The following PRKG1 variants were observed in gnomAD, a reference collection of about 807,000 sequenced individuals.
The protein encoded by PRKG1 is protein kinase cGMP-dependent 1, also known as cGMP-dependent protein kinase 1.
In PRKG1, 35 loss-of-function variants were observed where a neutral mutation model predicts 88.1. That is an observed-to-expected ratio of 0.40 (90% CI 0.30 to 0.53). The LOEUF (loss-of-function observed/expected upper bound fraction) is 0.53. PRKG1 is among the 20% of genes least tolerant of loss of function. The pLI, the probability that PRKG1 is intolerant of heterozygous loss-of-function variation, is 0.59. For synonymous variants in PRKG1, 303 were observed against 292.5 expected, an observed-to-expected ratio of 1.04 and a Z score of -0.37; for missense variants, 540 against 839.8, an observed-to-expected ratio of 0.64 and a Z score of 4.41.
At chr10:51,137,917 T>C (rs547059989) in intron 1 of PRKG1, among the ~76,000 whole-genome samples, 1 of 152,188 alleles carries the variant, frequency 6.6e-6, no homozygotes, top group Non-Finnish European at 1.5e-5. Flanking sequence ...TGATTAAATG[T>C]TGTGGGAAGA....
In PRKG1 at chr10:51,096,091, T is replaced by G. The variant is rs544179167; in HGVS notation, c.311+21190T>G. ...AAGAATTAGAAATATGCAATTCTTT[T>G]TATTTAATAAATTTAGTAGTGTTTC... On this transcript the variant is annotated intron_variant, in intron 1 of 17. Transcript: ENST00000373980. Among the ~76,000 whole-genome samples, 3 of 152,286 alleles carry G rather than the reference T, an allele frequency of 2.0e-5. No individual in the cohort carries two copies. In the East Asian group the frequency reaches 5.8e-4, roughly 29 times the overall value.
chr10:52,007,696 T>G (rs1844773603), intron 5 of PRKG1, among the ~76,000 whole-genome samples: 1 of 152,194 alleles, frequency 6.6e-6, no homozygotes, highest in Admixed American at 6.5e-5. Flanking sequence ...AACACTCCAC[T>G]GACAGTATTA....
chr10:52,051,798 G>A (rs1415392858), intron 5 of PRKG1, among the ~76,000 whole-genome samples: 4 of 152,172 alleles, frequency 2.6e-5, no homozygotes, highest in Non-Finnish European at 5.9e-5. Context: ...TCCCTTCCAT[G>A]AGGAAAAGAA....
intron 3 of PRKG1, among the ~76,000 whole-genome samples, chr10:51,734,753 C>T (rs1837220200): frequency 6.6e-6 from 1 of 152,132 alleles, no homozygotes; most frequent in South Asian, 2.1e-4. Flanking sequence ...TCTGCAGCAG[C>T]TGTCACAGTT....
At chr10:51,531,066 G>A (rs1842005261) in intron 3 of PRKG1, among the ~76,000 whole-genome samples, 1 of 152,048 alleles carries the variant, frequency 6.6e-6, no homozygotes, top group Non-Finnish European at 1.5e-5. Flanking sequence ...AAAAACATAG[G>A]TTAATAGCAC....
chr10:51,774,888 A>C (rs1838395032), intron 3 of PRKG1, among the ~76,000 whole-genome samples: 2 of 152,130 alleles, frequency 1.3e-5, no homozygotes, highest in Admixed American at 1.3e-4. Context: ...GCCTGAGATA[A>C]ACCTTTTAAG....
chr10:52,177,575 G>A (rs1838899154), intron 9 of PRKG1, among the ~76,000 whole-genome samples: 2 of 152,036 alleles, frequency 1.3e-5, no homozygotes, highest in South Asian at 4.1e-4. Context: ...GAGAATAATT[G>A]ATAATAAATC....
intron 1 of PRKG1, among the ~76,000 whole-genome samples, chr10:51,098,538 G>A (rs1194004079): frequency 1.3e-5 from 2 of 152,138 alleles, no homozygotes; most frequent in Non-Finnish European, 2.9e-5. Flanking sequence ...GCGGAAGGAT[G>A]AAAGAGAGAA....
chr10:51,093,491 A>G (rs1183020034), intron 1 of PRKG1, among the ~76,000 whole-genome samples: 1 of 151,888 alleles, frequency 6.6e-6, no homozygotes, highest in Non-Finnish European at 1.5e-5. Context: ...TCTGCCTTTC[A>G]CTTCCAGGAG....
At chr10:51,615,092 C>T (rs1034554424) in intron 3 of PRKG1, among the ~76,000 whole-genome samples, 2 of 141,324 alleles carry the variant, frequency 1.4e-5, no homozygotes, top group African/African-American at 5.3e-5. Context: ...TGAATATATC[C>T]ATCTTTGAAT....
At chr10:51,224,156 T>G (rs1025139355) in intron 2 of PRKG1, among the ~76,000 whole-genome samples, 2 of 152,208 alleles carry the variant, frequency 1.3e-5, no homozygotes, top group African/African-American at 4.8e-5. Flanking sequence ...ATTGCCTTCA[T>G]CTAGACCTGC....
At chr10:51,863,094 C>T (rs1247108845) in intron 4 of PRKG1, among the ~76,000 whole-genome samples, 1 of 151,956 alleles carries the variant, frequency 6.6e-6, no homozygotes, top group Admixed American at 6.6e-5. Context: ...CCATATTTTT[C>T]ATCATTCCTT....
intron 1 of PRKG1, among the ~76,000 whole-genome samples, chr10:51,118,503 T>C (rs1845185470): frequency 6.6e-6 from 1 of 152,216 alleles, no homozygotes; most frequent in South Asian, 2.1e-4. Context: ...CTCTGTTTAT[T>C]ATCATTACAG....
At chr10:51,170,780 T>C (rs373336555) in intron 2 of PRKG1, among the ~76,000 whole-genome samples, 40 of 144,370 alleles carry the variant, frequency 2.8e-4, no homozygotes, top group African/African-American at 7.1e-4. Flanking sequence ...GGTGGGGGAG[T>C]TGGGTAACAA....
At chr10:51,999,531 G>A (rs74132883) in intron 5 of PRKG1, among the ~76,000 whole-genome samples, 182 of 152,174 alleles carry the variant, frequency 1.2e-3, no homozygotes, top group African/African-American at 4.1e-3. Context: ...ACCTATCTCC[G>A]TATCTTTATC....
chr10:51,420,735 T>C (rs775893282), intron 2 of PRKG1, among the ~76,000 whole-genome samples: 3 of 152,162 alleles, frequency 2.0e-5, no homozygotes, highest in African/African-American at 4.8e-5. Context: ...TGAGACTGGG[T>C]AATTTGTTAA....
intron 1 of PRKG1, among the ~76,000 whole-genome samples, chr10:51,067,887 A>AT (rs1481074890): frequency 6.6e-6 from 1 of 152,050 alleles, no homozygotes; most frequent in Admixed American, 6.5e-5. Flanking sequence ...GAACACTAAT[A>AT]TTTATTCTTT....
In PRKG1 at chr10:51,652,222, C is replaced by T. The variant is rs149145005; in HGVS notation, c.593-152363C>T. On this transcript the variant is annotated intron_variant, in intron 3 of 17. Transcript: ENST00000373980. Reference sequence around the variant, plus strand: ...CTATTACAACTCCTTTGATAGTTAACGAAAGGATTCCGATATAATAGCACT... The same window carrying T: ...CTATTACAACTCCTTTGATAGTTAATGAAAGGATTCCGATATAATAGCACT... Among the ~76,000 whole-genome samples the T allele has an allele frequency of 8.2e-4, 125 of 151,638 alleles. 1 individual carries two copies. In the East Asian group the frequency reaches 0.021, roughly 26 times the overall value.
intron 3 of PRKG1, among the ~76,000 whole-genome samples, chr10:51,564,265 T>C (rs1357256219): frequency 6.6e-6 from 1 of 151,968 alleles, no homozygotes; most frequent in Non-Finnish European, 1.5e-5. Context: ...TATGTACTAA[T>C]GGGAAAAAGC....
Sources: gnomAD v4.1 joint callset for allele counts (sites outside exome capture counted in the v4.1 genomes callset) on GRCh38, gnomAD v4.1.1 for gene constraint, MANE v1.5 for transcripts, NCBI Gene and HGNC (gene_info 2026-07-23, HGNC 2026-07-21) for gene names.